TSPAN9: variants seen among roughly 807,000 people sequenced by gnomAD.
The protein encoded by TSPAN9 is tetraspanin 9.
In TSPAN9, 16 loss-of-function variants were observed where a neutral mutation model predicts 31.0. The ratio of observed to expected loss-of-function variants is 0.52; its 90% CI spans 0.35 to 0.78. The LOEUF is 0.78. Among genes scored for constraint, TSPAN9 ranks in the 30% least tolerant of loss-of-function variants. The pLI is 0.01. For missense variants in TSPAN9, 272 were observed against 312.5 expected, an observed-to-expected ratio of 0.87 and a Z score of 0.98; for synonymous variants, 145 against 121.6, an observed-to-expected ratio of 1.19 and a Z score of -1.27.
chr12:3,162,269 A>C (rs1221616466), intron 2 of TSPAN9, among the ~76,000 whole-genome samples: 1 of 152,236 alleles, frequency 6.6e-6, no homozygotes, highest in Non-Finnish European at 1.5e-5. Context: ...ATGCTCAGAC[A>C]TCAGAATCGT....
At chr12:3,123,555 C>T (rs1211372022) in intron 2 of TSPAN9, among the ~76,000 whole-genome samples, 2 of 152,186 alleles carry the variant, frequency 1.3e-5, no homozygotes, top group African/African-American at 2.4e-5. Context: ...AGAGAGACAG[C>T]TGTATGATTC....
chr12:3,276,413 A>G (rs1862787887), intron 3 of TSPAN9, among the ~76,000 whole-genome samples: 1 of 151,978 alleles, frequency 6.6e-6, no homozygotes, highest in Non-Finnish European at 1.5e-5. Context: ...GTCTCCTACC[A>G]TGTGTCACCT....
chr12:3,260,925 C>A (rs1317662940), intron 3 of TSPAN9, among the ~76,000 whole-genome samples: 1 of 152,182 alleles, frequency 6.6e-6, no homozygotes, highest in African/African-American at 2.4e-5. Context: ...AAATGATGAG[C>A]CTCTAGAGGC....
chr12:3,161,221 C>CAA (rs34492632), intron 2 of TSPAN9, among the ~76,000 whole-genome samples: 4,168 of 148,604 alleles, frequency 0.028, 179 homozygotes, highest in African/African-American at 0.096. Context: ...AACTCGGTCT[C>CAA]AAAAAAAAAA....
Position 3,283,130 on chromosome 12 carries a change from G to C in TSPAN9, c.*14G>C. The C allele has an allele frequency of 6.2e-7, 1 of 1,606,360 alleles. No individual in the cohort carries two copies. The highest frequency in any genetic ancestry group is 8.5e-7 in the Non-Finnish European group (1 of 1,179,706). ...TACGACGCATGAGCGGGCTGGCCGG[G>C]AGTGCCCACCCCGCCCTGCTGCCCT... is the stretch of plus-strand genomic sequence containing the variant. On this transcript the variant is annotated 3_prime_UTR_variant, in exon 9 of 9. Coordinates refer to ENST00000011898, the MANE Select transcript of TSPAN9 (RefSeq NM_006675.5).
intron 3 of TSPAN9, 122 bp downstream of exon 3, chr12:3,201,378 C>CT (rs2098371700): frequency 1.0e-6 from 1 of 974,914 alleles, no homozygotes; most frequent in African/African-American, 1.6e-5. Flanking sequence ...GGTAAGTGTG[C>CT]TTTTAAAAAA....
chr12:3,172,720 T>A lies in TSPAN9; in HGVS notation c.-17-28457T>A, dbSNP rs1377493144. 1 of 152,238 alleles carries A rather than the reference T, an allele frequency of 6.6e-6. No homozygotes were observed. The highest frequency in any genetic ancestry group is 1.5e-5 in the Non-Finnish European group (1 of 68,090). The allele number at this position is 152,238 out of a possible 1,614,324, so 9.4% of individuals were successfully genotyped here. Reference sequence around the variant, plus strand: ...TTGACCAGCTCTTGTACTAGATCCATCAGCAATGTCGCTTAGCGAGGCTTT... The same window carrying A: ...TTGACCAGCTCTTGTACTAGATCCAACAGCAATGTCGCTTAGCGAGGCTTT... On this transcript the variant is annotated intron_variant, in intron 2 of 8. Coordinates refer to ENST00000011898, the MANE Select transcript of TSPAN9 (RefSeq NM_006675.5). The surrounding 1 kb of genome is among the most constrained non-coding windows in gnomAD (Gnocchi z 4.8).
chr12:3,166,674 A>T (rs1210241085), intron 2 of TSPAN9, among the ~76,000 whole-genome samples: 1 of 152,266 alleles, frequency 6.6e-6, no homozygotes, highest in African/African-American at 2.4e-5. Context: ...ATCCAGATTG[A>T]GAAACAGAAC....
At chr12:3,183,885 C>T (rs147600754) in intron 2 of TSPAN9, among the ~76,000 whole-genome samples, 244 of 152,350 alleles carry the variant, frequency 1.6e-3, no homozygotes, top group African/African-American at 5.3e-3. Context: ...ATGTCTGCTG[C>T]AGTGACTTCC....
At chr12:3,222,903 C>T (rs576279596) in intron 3 of TSPAN9, among the ~76,000 whole-genome samples, 4 of 151,490 alleles carry the variant, frequency 2.6e-5, no homozygotes, top group African/African-American at 9.7e-5. Flanking sequence ...CGAGGGGGCC[C>T]TAAGTCACAG....
chr12:3,163,839 A>T (rs74054917), intron 2 of TSPAN9, among the ~76,000 whole-genome samples: 2 of 152,338 alleles, frequency 1.3e-5, no homozygotes, highest in African/African-American at 4.8e-5. Flanking sequence ...CCTGGAGGAT[A>T]CAGAAAACCT....
intron 1 of TSPAN9, among the ~76,000 whole-genome samples, chr12:3,080,037 C>T (rs1395906899): frequency 6.6e-6 from 1 of 151,702 alleles, no homozygotes; most frequent in Non-Finnish European, 1.5e-5. Flanking sequence ...AATTCTCCTA[C>T]CTTGGCCTCC....
At chr12:3,174,255 CAG>C (rs536499810) in intron 2 of TSPAN9, among the ~76,000 whole-genome samples, 173 of 152,236 alleles carry the variant, frequency 1.1e-3, no homozygotes, top group African/African-American at 3.9e-3. Flanking sequence ...TTTGTACAGA[CAG>C]AGTCTTACTA....
intron 3 of TSPAN9, chr12:3,206,380 CT>C: frequency 2.2e-6 from 1 of 456,020 alleles, no homozygotes; most frequent in Non-Finnish European, 4.4e-6. Context: ...CTGGCTCGTC[CT>C]GCGCTGAGCA....
At chr12:3,282,087 C>T (rs1450331440) in intron 8 of TSPAN9, 7 of 651,996 alleles carry the variant, frequency 1.1e-5, no homozygotes, top group Non-Finnish European at 1.1e-5. Flanking sequence ...CCCGTGGGTT[C>T]CCCCAGTTCT....
At chr12:3,195,587 G>T (rs2098366658) in intron 2 of TSPAN9, among the ~76,000 whole-genome samples, 1 of 152,146 alleles carries the variant, frequency 6.6e-6, no homozygotes, top group Non-Finnish European at 1.5e-5. Context: ...ATTTCTATCT[G>T]ATTGTTCCAT....
At chr12:3,238,320 G>A (rs113982573) in intron 3 of TSPAN9, among the ~76,000 whole-genome samples, 2,476 of 152,250 alleles carry the variant, frequency 0.016, 67 homozygotes, top group African/African-American at 0.056. Flanking sequence ...CATGACAGGC[G>A]CCCTCCCTGT....
intron 3 of TSPAN9, among the ~76,000 whole-genome samples, chr12:3,261,695 G>C (rs906762622): frequency 6.6e-6 from 1 of 152,190 alleles, no homozygotes; most frequent in Non-Finnish European, 1.5e-5. Context: ...GAGAAGCAAC[G>C]TGGGCACCCT....
intron 2 of TSPAN9, among the ~76,000 whole-genome samples, chr12:3,160,668 C>G (rs2098344609): frequency 6.6e-6 from 1 of 152,166 alleles, no homozygotes; most frequent in Non-Finnish European, 1.5e-5. Context: ...AATGGTATCT[C>G]ATTGTGGTTT....
Sources: allele counts gnomAD v4.1 joint callset (sites outside exome capture counted in the v4.1 genomes callset), GRCh38; gene constraint gnomAD v4.1.1; non-coding constraint Gnocchi (gnomAD v3.1); transcripts MANE v1.5; gene names NCBI Gene and HGNC (gene_info 2026-07-23, HGNC 2026-07-21).